LRRC4C: variants seen among roughly 807,000 people sequenced by gnomAD.
The protein encoded by LRRC4C is leucine-rich repeat-containing protein 4C.
A neutral mutation model predicts 33.6 loss-of-function variants in LRRC4C; 5 were observed. The ratio of observed to expected loss-of-function variants is 0.15; its 90% CI spans 0.08 to 0.31. The LOEUF (loss-of-function observed/expected upper bound fraction) is 0.31, where lower values mean the gene tolerates loss of function less well. Among genes scored for constraint, LRRC4C ranks in the 10% least tolerant of loss-of-function variants. LRRC4C has a pLI of 1.00. For missense variants in LRRC4C, 560 were observed against 796.7 expected (o/e 0.70, Z 3.58); for synonymous variants, 329 against 302.0 (o/e 1.09, Z -0.93).
At chr11:40,300,987 T>C (rs142080275) in intron 4 of LRRC4C, among the ~76,000 whole-genome samples, 5 of 152,250 alleles carry the variant, frequency 3.3e-5, no homozygotes, top group African/African-American at 9.6e-5. Context: ...TGATCTGTGA[T>C]TGGTTGAATC....
chr11:40,483,013 A>T (rs1237973186), intron 3 of LRRC4C, among the ~76,000 whole-genome samples: 7 of 152,190 alleles, frequency 4.6e-5, no homozygotes, highest in Non-Finnish European at 1.0e-4. Context: ...ACTCACAAAG[A>T]AAGTCCCCAT....
At chr11:40,633,609 G>A (rs1319273764) in intron 3 of LRRC4C, among the ~76,000 whole-genome samples, 2 of 151,852 alleles carry the variant, frequency 1.3e-5, no homozygotes, top group Admixed American at 6.6e-5. Context: ...GGCTGGTCTC[G>A]AACTCCTGAC....
intron 1 of LRRC4C, among the ~76,000 whole-genome samples, chr11:41,155,814 A>G (rs529062840): frequency 6.6e-6 from 1 of 152,224 alleles, no homozygotes; most frequent in Admixed American, 6.5e-5. Context: ...GATCCCCCTA[A>G]ATTCAGACAA....
At chr11:40,635,348 G>T (rs2136050311) in intron 3 of LRRC4C, among the ~76,000 whole-genome samples, 1 of 152,242 alleles carries the variant, frequency 6.6e-6, no homozygotes, top group Admixed American at 6.5e-5. Flanking sequence ...CCAAGGTCCT[G>T]GCCTATAGAC....
chr11:40,849,993 T>C (rs1326016148), intron 2 of LRRC4C, among the ~76,000 whole-genome samples: 1 of 151,880 alleles, frequency 6.6e-6, no homozygotes, highest in African/African-American at 2.4e-5. Context: ...TCATTTATGT[T>C]CTTCTCTAAA....
chr11:41,225,641 T>TTA lies in LRRC4C; in HGVS notation c.-496+233788_-496+233789dup, dbSNP rs200374921. On this transcript the variant is annotated intron_variant, in intron 1 of 6. Transcript: ENST00000528697. ...TAGTAAGACCCTGTCTTTATTTTATTTATATATATTTTTTTGTTTCTATCA... is the reference window on the plus strand; with the variant it reads ...TAGTAAGACCCTGTCTTTATTTTATTTATATATATATTTTTTTGTTTCTATCA... Among the ~76,000 whole-genome samples the TTA allele has an allele frequency of 7.8e-3, 1,176 of 151,494 alleles. 24 individuals are homozygous for TTA. The highest frequency in any genetic ancestry group is 0.028 in the African/African-American group (1,135 of 40,956).
At chr11:41,424,763 G>A (rs34853362) in intron 1 of LRRC4C, among the ~76,000 whole-genome samples, 12,253 of 152,014 alleles carry the variant, frequency 0.081, 727 homozygotes, top group Non-Finnish European at 0.11. Context: ...CCTGAAGAAA[G>A]GTCAAAAAGC....
At chr11:40,996,645 T>A (rs2137318859) in intron 1 of LRRC4C, among the ~76,000 whole-genome samples, 1 of 152,260 alleles carries the variant, frequency 6.6e-6, no homozygotes, top group African/African-American at 2.4e-5. Flanking sequence ...GAGGTTTATT[T>A]GGCTCATGGT....
At chr11:40,801,440 T>A (rs1951038052) in intron 2 of LRRC4C, among the ~76,000 whole-genome samples, 1 of 152,184 alleles carries the variant, frequency 6.6e-6, no homozygotes, top group African/African-American at 2.4e-5. Context: ...TAGCAATTAC[T>A]TCTTTCTTAT....
intron 1 of LRRC4C, among the ~76,000 whole-genome samples, chr11:41,258,880 T>C (rs987336422): frequency 6.6e-6 from 1 of 151,998 alleles, no homozygotes; most frequent in African/African-American, 2.4e-5. Flanking sequence ...GGGTGGCTGG[T>C]ATGAAAATAA....
chr11:41,129,839 A>G (rs1476086164), intron 1 of LRRC4C, among the ~76,000 whole-genome samples: 1 of 151,830 alleles, frequency 6.6e-6, no homozygotes, highest in Non-Finnish European at 1.5e-5. Flanking sequence ...TTCTCCCCAC[A>G]TGTGTTTAAC....
intron 1 of LRRC4C, among the ~76,000 whole-genome samples, chr11:41,279,419 CACACACA>C (rs1949591271): frequency 1.4e-5 from 2 of 145,980 alleles, no homozygotes; most frequent in Admixed American, 1.4e-4. Context: ...CACACACACA[CACACACA>C]CACCGTGGCA....
intron 3 of LRRC4C, among the ~76,000 whole-genome samples, chr11:40,436,317 T>A (rs921316889): frequency 6.6e-6 from 1 of 152,176 alleles, no homozygotes; most frequent in African/African-American, 2.4e-5. Context: ...ATTCATTCAT[T>A]AGCTCATTTC....
chr11:40,501,859 A>G (rs1429375877), intron 3 of LRRC4C, among the ~76,000 whole-genome samples: 2 of 152,196 alleles, frequency 1.3e-5, no homozygotes, highest in Non-Finnish European at 2.9e-5. Context: ...TCCTTGGAAA[A>G]TAGGATTTTC....
intron 3 of LRRC4C, among the ~76,000 whole-genome samples, chr11:40,462,105 GC>G (rs1250069068): frequency 6.6e-6 from 1 of 151,890 alleles, no homozygotes; most frequent in Non-Finnish European, 1.5e-5. Flanking sequence ...TTTGTAAATG[GC>G]CCCAAATGAA....
intron 3 of LRRC4C, among the ~76,000 whole-genome samples, chr11:40,645,769 G>T (rs1299668940): frequency 6.6e-6 from 1 of 152,002 alleles, no homozygotes; most frequent in Non-Finnish European, 1.5e-5. Flanking sequence ...CAGCTCCGTG[G>T]GTACCCCAAT....
intron 1 of LRRC4C, among the ~76,000 whole-genome samples, chr11:41,352,015 C>T (rs1952001665): frequency 6.6e-6 from 1 of 152,054 alleles, no homozygotes; most frequent in Admixed American, 6.5e-5. Flanking sequence ...GTGATAAAAT[C>T]CTCAGATACC....
At chr11:40,363,063 C>A (rs1367403703) in intron 3 of LRRC4C, among the ~76,000 whole-genome samples, 1 of 152,018 alleles carries the variant, frequency 6.6e-6, no homozygotes, top group Non-Finnish European at 1.5e-5. Context: ...TGGGTATATA[C>A]CTAAAGGAAT....
chr11:41,368,663 TC>T (rs1952631428), intron 1 of LRRC4C, among the ~76,000 whole-genome samples: 1 of 152,090 alleles, frequency 6.6e-6, no homozygotes, highest in Admixed American at 6.6e-5. Flanking sequence ...TACGGAAAAA[TC>T]CTCTCTACCT....
Sources: allele counts gnomAD v4.1 joint callset (sites outside exome capture counted in the v4.1 genomes callset), GRCh38; gene constraint gnomAD v4.1.1; transcripts MANE v1.5; gene names NCBI Gene and HGNC (gene_info 2026-07-23, HGNC 2026-07-21).